The following MARF1 variants were observed in gnomAD, a reference collection of about 807,000 sequenced individuals.
MARF1 encodes the protein meiosis regulator and mRNA stability factor 1, also known as limkain-b1.
In MARF1, 24 loss-of-function variants were observed where a neutral mutation model predicts 168.2. The observed-to-expected ratio is 0.14, with a 90% CI of 0.10 to 0.20. MARF1 has a LOEUF of 0.20. Ranked by LOEUF, MARF1 falls within the 10% of genes least tolerant of loss-of-function variation. The probability of loss-of-function intolerance (pLI) is 1.00; values close to 1 mark genes in which losing one functional copy is unlikely to be tolerated. For missense variants in MARF1, 1,744 were observed against 2,143.6 expected, an observed-to-expected ratio of 0.81 and a Z score of 3.68; for synonymous variants, 868 against 822.4, an observed-to-expected ratio of 1.06 and a Z score of -0.95.
intron 13 of MARF1, among the ~76,000 whole-genome samples, chr16:15,619,839 A>G (rs1043445132): frequency 1.3e-5 from 2 of 152,156 alleles, no homozygotes; most frequent in Admixed American, 6.5e-5. Flanking sequence ...TGGAGCTTAT[A>G]GTCTAGTGCT....
At chr16:15,599,075 C>T (rs749739027) in intron 25 of MARF1, 51 bp from the exon 26 acceptor site, 3 of 1,553,442 alleles carry the variant, frequency 1.9e-6, no homozygotes, top group Non-Finnish European at 2.6e-6. Flanking sequence ...CGCCCACCCC[C>T]AGCACACACC....
Position 15,595,065 on chromosome 16 carries a change from G to T in MARF1, c.*1628C>A, listed in dbSNP as rs1476782592. 2 of 152,556 alleles carry T rather than the reference G, an allele frequency of 1.3e-5. No homozygotes were observed. Among genetic ancestry groups the T allele is most frequent in the Admixed American group, 1.3e-4 (2 of 15,274 alleles). The allele number at this position is 152,556 out of a possible 1,614,324, so 9.5% of individuals were successfully genotyped here. On this transcript the variant is annotated 3_prime_UTR_variant, in exon 27 of 27. Coordinates refer to ENST00000396368, the MANE Select transcript of MARF1 (RefSeq NM_014647.4). ...CCAATTATTATTACTTTGTTTAAAA[G>T]CTCCTTTAAAAAAAATTGCACATTT... is the stretch of plus-strand genomic sequence containing the variant.
At chr16:15,631,668 C>G (rs67539418) in intron 5 of MARF1, among the ~76,000 whole-genome samples, 170 bp from the exon 6 acceptor site, 33,927 of 152,056 alleles carry the variant, frequency 0.22, 4,197 homozygotes, top group South Asian at 0.33. Flanking sequence ...TGGTGGTTTG[C>G]TGCACCTATC....
intron 10 of MARF1, among the ~76,000 whole-genome samples, chr16:15,624,252 C>T (rs1036727049): frequency 6.6e-6 from 1 of 152,152 alleles, no homozygotes; most frequent in South Asian, 2.1e-4. Context: ...GATCTGCCAC[C>T]AACTCAGCAG....
At chr16:15,616,894 TTA>T in intron 15 of MARF1, 156 bp downstream of exon 15, 3 of 1,041,714 alleles carry the variant, frequency 2.9e-6, no homozygotes, top group Non-Finnish European at 4.2e-6. Flanking sequence ...CAAAATTTTG[TTA>T]TGTGGTGCAT....
chr16:15,616,763 C>A, intron 15 of MARF1: 1 of 344,300 alleles, frequency 2.9e-6, no homozygotes, highest in South Asian at 4.8e-5. Context: ...TGTTACTGTA[C>A]TACACACTGT....
chr16:15,621,642 G>C, intron 12 of MARF1, 91 bp downstream of exon 12: 1 of 1,199,596 alleles, frequency 8.3e-7, no homozygotes, highest in Non-Finnish European at 1.2e-6. Context: ...ACAAGGGGGT[G>C]GGAATGTGAT....
At position 15,612,791 on chromosome 16, in the gene MARF1, A is replaced by G. The variant is rs149010629; in HGVS notation, c.3254-14T>C. The G allele has an allele frequency of 1.0e-4, 162 of 1,606,854 alleles. No homozygotes were observed. The African/African-American group carries it at 2.0e-3, about 20-fold the overall frequency. ...GAAGCCAAGGGTCTAGAAGAAAAAG[A>G]ACGTGTATAAGACAGAAAGCACAGA... On this transcript the variant is annotated splice_polypyrimidine_tract_variant and intron_variant, in intron 16 of 26. Coordinates refer to ENST00000396368, the MANE Select transcript of MARF1 (RefSeq NM_014647.4).
chr16:15,627,906 AC>A (rs1485261693), intron 7 of MARF1, among the ~76,000 whole-genome samples: 3 of 152,162 alleles, frequency 2.0e-5, no homozygotes, highest in Non-Finnish European at 2.9e-5. Flanking sequence ...AATTAGTACC[AC>A]CTTCCTGGAG....
intron 17 of MARF1, among the ~76,000 whole-genome samples, chr16:15,612,014 G>A (rs1302987694): frequency 6.6e-6 from 1 of 152,194 alleles, no homozygotes; most frequent in Admixed American, 6.5e-5. Context: ...GAAAAGTCGT[G>A]AGTACAGAAA....
At chr16:15,635,002 C>T (rs1296850515) in intron 3 of MARF1, 71 bp from the exon 4 acceptor site, 1 of 1,353,582 alleles carries the variant, frequency 7.4e-7, no homozygotes, top group Non-Finnish European at 1.0e-6. Flanking sequence ...TTATATACAA[C>T]AACTGAAAAT....
intron 1 of MARF1, among the ~76,000 whole-genome samples, chr16:15,642,216 T>G (rs910997170): frequency 5.3e-4 from 80 of 152,320 alleles, no homozygotes; most frequent in Non-Finnish European, 5.9e-5. Context: ...CATTACCGTT[T>G]TCTCCCCCAT....
chr16:15,598,385 G>A (rs1287055410), intron 26 of MARF1, among the ~76,000 whole-genome samples: 1 of 152,184 alleles, frequency 6.6e-6, no homozygotes, highest in East Asian at 1.9e-4. Flanking sequence ...GACTCAGTGT[G>A]CTCAGCTTCC....
intron 22 of MARF1, chr16:15,602,724 A>G (rs1341866204): frequency 2.2e-6 from 1 of 446,764 alleles, no homozygotes; most frequent in Non-Finnish European, 4.5e-6. Flanking sequence ...TCTATTTGCA[A>G]GTCGAAGGCT....
At chr16:15,609,012 G>T (rs934809087) in intron 20 of MARF1, among the ~76,000 whole-genome samples, 6 of 152,214 alleles carry the variant, frequency 3.9e-5, no homozygotes, top group African/African-American at 1.4e-4. Context: ...GCTGAGACAG[G>T]CGGATCAACT....
intron 16 of MARF1, among the ~76,000 whole-genome samples, chr16:15,613,915 G>GC (rs1367777937): frequency 6.6e-6 from 1 of 152,042 alleles, no homozygotes; most frequent in Non-Finnish European, 1.5e-5. Flanking sequence ...GGTGGGAGAA[G>GC]CAAAAGTGTT....
Position 15,608,374 on chromosome 16 carries a change from T to C in MARF1, c.4099A>G (p.Thr1367Ala). 6.2e-7 allele frequency: 1 copy of C among 1,613,610 alleles called. No homozygotes were observed. ...TGGAGACGAAATGTATAACCAAAAG[T>C]TTTAGCATATTCTGTAAGGAGATCT... is the stretch of plus-strand genomic sequence containing the variant. ...MTDLLTEYAKTFGYTFRLQDY... is the reference protein window; with the variant it reads ...MTDLLTEYAKAFGYTFRLQDY... The change falls in exon 21 of 27, where the codon ACT (threonine) becomes GCT (alanine). Residue 1367 changes from threonine to alanine, a missense_variant. Physicochemically the swap from Thr to Ala is moderately conservative, Grantham distance 58. Coordinates refer to ENST00000396368, the MANE Select transcript of MARF1 (RefSeq NM_014647.4).
At chr16:15,631,132 A>C (rs2035226590) in intron 6 of MARF1, among the ~76,000 whole-genome samples, 1 of 152,210 alleles carries the variant, frequency 6.6e-6, no homozygotes, top group Non-Finnish European at 1.5e-5. Flanking sequence ...CTCCATCTCA[A>C]AATAAATAAA....
chr16:15,639,386 C>T (rs768514275), intron 1 of MARF1, 95 bp from the exon 2 acceptor site: 4 of 795,886 alleles, frequency 5.0e-6, no homozygotes, highest in Non-Finnish European at 8.0e-6. Context: ...TATTTACAGT[C>T]CTATGGCTCT....
Sources: allele counts gnomAD v4.1 joint callset (sites outside exome capture counted in the v4.1 genomes callset), GRCh38; gene constraint gnomAD v4.1.1; transcripts MANE v1.5; gene names NCBI Gene and HGNC (gene_info 2026-07-23, HGNC 2026-07-21).